Variants in ALX4 observed in about 807,000 individuals in gnomAD.
ALX4 encodes ALX homeobox 4.
A neutral mutation model predicts 40.6 loss-of-function variants in ALX4; 22 were observed. The observed-to-expected ratio is 0.54, with a 90% CI of 0.39 to 0.77. The LOEUF (loss-of-function observed/expected upper bound fraction) is 0.77, where lower values mean the gene tolerates loss of function less well. ALX4 is among the 30% of genes least tolerant of loss of function. The pLI is 0.00. For missense variants in ALX4, 556 were observed against 564.8 expected, an observed-to-expected ratio of 0.98 and a Z score of 0.16; for synonymous variants, 266 against 240.5, an observed-to-expected ratio of 1.11 and a Z score of -0.98.
intron 2 of ALX4, among the ~76,000 whole-genome samples, chr11:44,272,847 T>C (rs1326309027): frequency 6.6e-6 from 1 of 152,072 alleles, no homozygotes; most frequent in Non-Finnish European, 1.5e-5. Context: ...CAGGCTGCCC[T>C]CAGGGAACTT....
intron 2 of ALX4, among the ~76,000 whole-genome samples, chr11:44,270,274 G>A (rs575222143): frequency 2.0e-5 from 3 of 152,254 alleles, no homozygotes; most frequent in Admixed American, 6.5e-5. Flanking sequence ...AGCTAGCACC[G>A]TCTTTGGAAC....
rs150387258 is a variant in ALX4 at position 44,294,128 on chromosome 11, G to A, written c.466+15469C>T. The stretch of plus-strand genomic sequence containing the variant: ...GGCAGGGGAGGAAAAAGGCTCTTTG[G>A]CTTCAGGAGATCTGGGTTCAATTCA... On this transcript the variant is annotated intron_variant, in intron 1 of 3. Coordinates refer to ENST00000652299, the MANE Select transcript of ALX4 (RefSeq NM_021926.4). Among the ~76,000 whole-genome samples, 215 of 152,344 alleles carry A rather than the reference G, an allele frequency of 1.4e-3. 1 individual carries two copies. The highest frequency in any genetic ancestry group is 4.9e-3 in the African/African-American group (202 of 41,580).
intron 1 of ALX4, among the ~76,000 whole-genome samples, chr11:44,286,117 G>T (rs573961914): frequency 6.6e-6 from 1 of 152,298 alleles, no homozygotes; most frequent in South Asian, 2.1e-4. Context: ...GACACAGGAG[G>T]TCCTTGGTCC....
At position 44,282,225 on chromosome 11, in the gene ALX4, T is replaced by C. The variant is rs150353348; in HGVS notation, c.467-6567A>G. Reference sequence around the variant, plus strand: ...AGCAGACACTTCACCCAAGAAGATCTACAGGGAGCAAATAAGCATGAAATA... The same window carrying C: ...AGCAGACACTTCACCCAAGAAGATCCACAGGGAGCAAATAAGCATGAAATA... On this transcript the variant is annotated intron_variant, in intron 1 of 3. Transcript: ENST00000652299. 1.6e-3 allele frequency among the ~76,000 whole-genome samples: 240 copies of C among 152,306 alleles called. 1 individual carries two copies. The highest frequency in any genetic ancestry group is 5.6e-3 in the African/African-American group (234 of 41,576).
rs555349585 is a variant in ALX4 at position 44,274,500 on chromosome 11, T to C, written c.777+848A>G. On this transcript the variant is annotated intron_variant, in intron 2 of 3. Coordinates refer to ENST00000652299, the MANE Select transcript of ALX4 (RefSeq NM_021926.4). ...GTGTGTCAGGTTCCATTGTGTTGTG[T>C]TGTGTTAGGTTGAGTTCCATTGGAA... Among the ~76,000 whole-genome samples the C allele has an allele frequency of 2.6e-5, 4 of 152,136 alleles. No individual in the cohort carries two copies. The South Asian group carries it at 8.3e-4, about 32-fold the overall frequency.
chr11:44,262,713 T>A lies in ALX4; in HGVS notation c.*2141A>T. On this transcript the variant is annotated 3_prime_UTR_variant, in exon 4 of 4. Coordinates refer to ENST00000652299, the MANE Select transcript of ALX4 (RefSeq NM_021926.4). ...CTCTTTGTCCTGATTCTCTCATGGG[T>A]GAGAAAGACCCAAGGTGAAAGTTCC... 1 of 152,196 alleles carries A rather than the reference T, an allele frequency of 6.6e-6. No homozygotes were observed. The highest frequency in any genetic ancestry group is 1.9e-4 in the East Asian group (1 of 5,164). The allele number at this position is 152,196 out of a possible 1,614,324, so 9.4% of individuals were successfully genotyped here. A position where few individuals can be genotyped will look rare whatever the true frequency, so the allele number is the denominator to read the frequency against.
At chr11:44,309,486 C>A (rs1450064254) in intron 1 of ALX4, 111 bp downstream of exon 1, 4 of 1,498,672 alleles carry the variant, frequency 2.7e-6, no homozygotes, top group Admixed American at 2.1e-5. Context: ...AGAGTCACCA[C>A]CCCGCCCCCA....
chr11:44,282,693 C>T (rs1565003998), intron 1 of ALX4, among the ~76,000 whole-genome samples: 1 of 152,120 alleles, frequency 6.6e-6, no homozygotes, highest in East Asian at 1.9e-4. Flanking sequence ...GAAAGGTGGC[C>T]TTAGGGTCTG....
Position 44,260,726 on chromosome 11 carries a change from T to G in ALX4, c.*4128A>C, listed in dbSNP as rs1956177824. 1 of 152,214 alleles carries G rather than the reference T, an allele frequency of 6.6e-6. No individual in the cohort carries two copies. The highest frequency in any genetic ancestry group is 2.4e-5 in the African/African-American group (1 of 41,462). The allele number at this position is 152,214 out of a possible 1,614,324, so 9.4% of individuals were successfully genotyped here. ...TATGGAACCGACCTCATTTTTTTTT[T>G]TACATTTTTCTGGATTTTTACTGTA... On this transcript the variant is annotated 3_prime_UTR_variant, in exon 4 of 4. Coordinates refer to ENST00000652299, the MANE Select transcript of ALX4 (RefSeq NM_021926.4).
intron 1 of ALX4, among the ~76,000 whole-genome samples, chr11:44,308,872 C>A (rs1956485200): frequency 6.6e-6 from 1 of 152,230 alleles, no homozygotes; most frequent in Non-Finnish European, 1.5e-5. Context: ...CAAGAATCGC[C>A]GAGGGAGAAG....
intron 1 of ALX4, among the ~76,000 whole-genome samples, chr11:44,287,472 G>A (rs1470856266): frequency 6.6e-6 from 1 of 151,696 alleles, no homozygotes; most frequent in Admixed American, 6.6e-5. Flanking sequence ...ATCAATAACT[G>A]TTAAGAAGGT....
intron 1 of ALX4, among the ~76,000 whole-genome samples, chr11:44,291,858 A>G (rs927691838): frequency 3.3e-5 from 5 of 151,776 alleles, no homozygotes; most frequent in African/African-American, 1.2e-4. Flanking sequence ...TCGCTCTGTC[A>G]CCCAGGCTGG....
In ALX4 at chr11:44,301,198, G is replaced by T. The variant is rs142026986; in HGVS notation, c.466+8399C>A. Among the ~76,000 whole-genome samples, 451 of 152,338 alleles carry T rather than the reference G, an allele frequency of 3.0e-3. 3 individuals carry two copies. The highest frequency in any genetic ancestry group is 0.011 in the African/African-American group (437 of 41,572). On this transcript the variant is annotated intron_variant, in intron 1 of 3. Coordinates refer to ENST00000652299, the MANE Select transcript of ALX4 (RefSeq NM_021926.4). ...TTTGTCTGTGAAATAAGACATGTGGGCCAGGAGATGACTGCCATCTCTTCC... is the reference window on the plus strand; with the variant it reads ...TTTGTCTGTGAAATAAGACATGTGGTCCAGGAGATGACTGCCATCTCTTCC...
chr11:44,274,692 G>A (rs1465004536), intron 2 of ALX4, among the ~76,000 whole-genome samples: 1 of 152,210 alleles, frequency 6.6e-6, no homozygotes, highest in Non-Finnish European at 1.5e-5. Flanking sequence ...GTTGTGTTGA[G>A]TTGAGTTCTA....
At chr11:44,299,276 T>G (rs1241792782) in intron 1 of ALX4, among the ~76,000 whole-genome samples, 3 of 151,160 alleles carry the variant, frequency 2.0e-5, no homozygotes, top group East Asian at 2.0e-4. Flanking sequence ...ACCTGACAGG[T>G]GCCGAAATTT....
intron 1 of ALX4, among the ~76,000 whole-genome samples, chr11:44,298,617 G>A (rs1403734070): frequency 7.9e-5 from 12 of 152,186 alleles, no homozygotes; most frequent in Non-Finnish European, 1.6e-4. Flanking sequence ...GGCTAGAGCC[G>A]ACCCCGGGGG....
Position 44,284,569 on chromosome 11 carries a change from C to A in ALX4, c.467-8911G>T, listed in dbSNP as rs145712525. Among the ~76,000 whole-genome samples the A allele has an allele frequency of 6.5e-3, 983 of 152,324 alleles. 10 individuals are homozygous for A. Among genetic ancestry groups the A allele is most frequent in the African/African-American group, 0.022 (904 of 41,566 alleles). On this transcript the variant is annotated intron_variant, in intron 1 of 3. Transcript: ENST00000652299. ...TTTTGCTAAATCTGCCAACCCTGTA[C>A]ATCAGGCTTATGTGGCATTCAGGGT...
At chr11:44,289,204 A>G (rs1956356039) in intron 1 of ALX4, among the ~76,000 whole-genome samples, 1 of 152,164 alleles carries the variant, frequency 6.6e-6, no homozygotes, top group African/African-American at 2.4e-5. Context: ...TGAATTGGGT[A>G]TTGCCAGTCA....
rs187973358 is a variant in ALX4, at chr11:44,275,076, C to A, written c.777+272G>T. Among the ~76,000 whole-genome samples the A allele has an allele frequency of 1.1e-3, 169 of 152,296 alleles. 1 individual carries two copies. The highest frequency in any genetic ancestry group is 3.2e-3 in the African/African-American group (132 of 41,554). On this transcript the variant is annotated intron_variant, in intron 2 of 3. Coordinates refer to ENST00000652299, the MANE Select transcript of ALX4 (RefSeq NM_021926.4). ...AAAGCCCAGAAACAGCCAGCAGCAG[C>A]CTTCCTGCCCCTCTGCTGGAGGCCC...
Sources: gnomAD v4.1 joint callset for allele counts (sites outside exome capture counted in the v4.1 genomes callset) on GRCh38, gnomAD v4.1.1 for gene constraint, MANE v1.5 for transcripts, NCBI Gene and HGNC (gene_info 2026-07-23, HGNC 2026-07-21) for gene names.